Variants in GALNT13 observed in about 807,000 individuals in gnomAD.
GALNT13 encodes the protein polypeptide N-acetylgalactosaminyltransferase 13.
GALNT13 carries 28 observed loss-of-function variants against 64.2 expected under a neutral mutation model. The ratio of observed to expected loss-of-function variants is 0.44; its 90% CI spans 0.32 to 0.60. The LOEUF is 0.60. GALNT13 is among the 20% of genes least tolerant of loss of function. GALNT13 has a pLI of 0.05. For synonymous variants in GALNT13, 214 were observed against 224.6 expected (o/e 0.95, Z 0.42); for missense variants, 577 against 669.8 (o/e 0.86, Z 1.53).
chr2:154,133,881 G>C (rs1260851539), intron 3 of GALNT13, among the ~76,000 whole-genome samples: 1 of 151,960 alleles, frequency 6.6e-6, no homozygotes, highest in Non-Finnish European at 1.5e-5. Context: ...GTTTTGTTTT[G>C]TTTTTCATGT....
At chr2:153,816,027 C>T in the GALNT13 span, among the ~76,000 whole-genome samples, 1 of 152,218 alleles carries the variant, frequency 6.6e-6, no homozygotes, top group South Asian at 2.1e-4. Context: ...GAGGGTCATA[C>T]CTGAGAGTCA....
chr2:154,036,323 G>A (rs968741437), intron 3 of GALNT13, among the ~76,000 whole-genome samples: 2 of 152,054 alleles, frequency 1.3e-5, no homozygotes, highest in East Asian at 3.8e-4. Context: ...TGCCTAGAAC[G>A]TAAACCACAA....
chr2:153,388,786 C>G, the GALNT13 span, among the ~76,000 whole-genome samples: 1 of 152,018 alleles, frequency 6.6e-6, no homozygotes, highest in South Asian at 2.1e-4. Context: ...GCCAGGCTAT[C>G]TTCCATGATA....
the GALNT13 span, among the ~76,000 whole-genome samples, chr2:153,291,858 G>T: frequency 6.6e-6 from 1 of 151,806 alleles, no homozygotes; most frequent in Non-Finnish European, 1.5e-5. Context: ...CCATTCGATT[G>T]AATTGAACTG....
chr2:154,302,390 A>G (rs187733093), intron 9 of GALNT13, among the ~76,000 whole-genome samples: 1 of 152,316 alleles, frequency 6.6e-6, no homozygotes, highest in African/African-American at 2.4e-5. Context: ...CATTATTGTC[A>G]TTATTATGTA....
At chr2:153,503,229 T>C in the GALNT13 span, among the ~76,000 whole-genome samples, 2 of 152,336 alleles carry the variant, frequency 1.3e-5, no homozygotes, top group East Asian at 3.9e-4. Context: ...ATTGAAGTAT[T>C]TGACCCATCT....
the GALNT13 span, among the ~76,000 whole-genome samples, chr2:153,292,553 A>C: frequency 2.0e-5 from 3 of 152,154 alleles, no homozygotes; most frequent in African/African-American, 7.2e-5. Flanking sequence ...GAGTGTGAGA[A>C]AAGCCAGCAA....
At chr2:153,274,892 C>A in the GALNT13 span, among the ~76,000 whole-genome samples, 3 of 152,168 alleles carry the variant, frequency 2.0e-5, no homozygotes, top group Non-Finnish European at 4.4e-5. Context: ...ACAAATGTGG[C>A]CTACCTTTCT....
the GALNT13 span, among the ~76,000 whole-genome samples, chr2:153,785,015 C>T: frequency 1.3e-5 from 2 of 152,158 alleles, no homozygotes; most frequent in Non-Finnish European, 2.9e-5. Flanking sequence ...GGTGCAGTCT[C>T]CAGACTGAGG....
At chr2:154,276,962 G>A (rs980665589) in intron 8 of GALNT13, among the ~76,000 whole-genome samples, 1 of 152,152 alleles carries the variant, frequency 6.6e-6, no homozygotes, top group East Asian at 1.9e-4. Context: ...GCTGAACTGT[G>A]AGTCAATTAA....
the GALNT13 span, among the ~76,000 whole-genome samples, chr2:153,125,323 G>T: frequency 3.9e-5 from 6 of 152,098 alleles, no homozygotes; most frequent in Non-Finnish European, 8.8e-5. Flanking sequence ...CTCATCTTGT[G>T]GTTGTGCATG....
At chr2:154,015,443 T>C (rs1377943621) in intron 3 of GALNT13, among the ~76,000 whole-genome samples, 1 of 152,232 alleles carries the variant, frequency 6.6e-6, no homozygotes, top group Non-Finnish European at 1.5e-5. Context: ...TCTGCCACTA[T>C]ATCAATAAGA....
At chr2:153,295,727 G>A in the GALNT13 span, among the ~76,000 whole-genome samples, 1 of 152,136 alleles carries the variant, frequency 6.6e-6, no homozygotes, top group Non-Finnish European at 1.5e-5. Flanking sequence ...TCACCTGGGA[G>A]TTTCTCTGTG....
the GALNT13 span, among the ~76,000 whole-genome samples, chr2:153,426,105 C>T: frequency 1.3e-5 from 2 of 151,766 alleles, no homozygotes; most frequent in Non-Finnish European, 2.9e-5. Flanking sequence ...AATAATTTGG[C>T]CATTACATTA....
At chr2:153,639,196 G>A in the GALNT13 span, among the ~76,000 whole-genome samples, 1 of 151,924 alleles carries the variant, frequency 6.6e-6, no homozygotes, top group South Asian at 2.1e-4. Context: ...AAAGGCATGA[G>A]GTATGTTAGG....
intron 9 of GALNT13, among the ~76,000 whole-genome samples, chr2:154,388,054 C>T (rs1449637464): frequency 6.6e-6 from 1 of 152,056 alleles, no homozygotes; most frequent in Non-Finnish European, 1.5e-5. Context: ...CTAAGAATTC[C>T]CATTTCTCCA....
chr2:153,928,326 C>T (rs567815515), intron 2 of GALNT13, among the ~76,000 whole-genome samples: 1 of 152,088 alleles, frequency 6.6e-6, no homozygotes, highest in Non-Finnish European at 1.5e-5. Context: ...GCCTTAAGGC[C>T]AACTAGGAAG....
intron 3 of GALNT13, among the ~76,000 whole-genome samples, chr2:154,037,059 G>T (rs1698700996): frequency 6.6e-6 from 1 of 152,044 alleles, no homozygotes; most frequent in Non-Finnish European, 1.5e-5. Flanking sequence ...GTTTAAAAAA[G>T]TATGGTAGGA....
chr2:153,890,389 G>A (rs1451234498), intron 1 of GALNT13, among the ~76,000 whole-genome samples: 1 of 151,982 alleles, frequency 6.6e-6, no homozygotes, highest in African/African-American at 2.4e-5. Flanking sequence ...AGTATCGACA[G>A]TTGTGATCTC....
Sources: allele counts gnomAD v4.1 joint callset (sites outside exome capture counted in the v4.1 genomes callset), GRCh38; gene constraint gnomAD v4.1.1; transcripts MANE v1.5; gene names NCBI Gene and HGNC (gene_info 2026-07-23, HGNC 2026-07-21).